RSPO3: variants seen among roughly 807,000 people sequenced by gnomAD.
The protein encoded by RSPO3 is R-spondin 3.
In RSPO3, 17 loss-of-function variants were observed where a neutral mutation model predicts 36.5. The ratio of observed to expected loss-of-function variants is 0.47; its 90% CI spans 0.32 to 0.70. RSPO3 has a LOEUF of 0.70. Ranked by LOEUF, RSPO3 falls within the 30% of genes least tolerant of loss-of-function variation. RSPO3 has a pLI of 0.04. For synonymous variants in RSPO3, 108 were observed against 107.0 expected (o/e 1.01, Z -0.06); for missense variants, 294 against 322.5 (o/e 0.91, Z 0.68).
intron 4 of RSPO3, among the ~76,000 whole-genome samples, chr6:127,172,088 G>T (rs1774948162): frequency 6.7e-6 from 1 of 150,022 alleles, no homozygotes; most frequent in Non-Finnish European, 1.5e-5. Context: ...GGAAACAGAA[G>T]TACTTTTAAT....
chr6:127,198,533 T>C lies in RSPO3; in HGVS notation c.*2526T>C, dbSNP rs1028713454. Among the ~76,000 whole-genome samples the C allele has an allele frequency of 1.3e-5, 2 of 152,164 alleles. No homozygotes were observed. The highest frequency in any genetic ancestry group is 4.8e-5 in the African/African-American group (2 of 41,428). On this transcript the variant is annotated 3_prime_UTR_variant, in exon 5 of 5. Coordinates refer to ENST00000356698, the MANE Select transcript of RSPO3 (RefSeq NM_032784.5). The stretch of plus-strand genomic sequence containing the variant: ...CATAATGGGGTAAACTGTTGATAGT[T>C]TACCCCATCAACAGATGGTCGGTAA...
intron 1 of RSPO3, among the ~76,000 whole-genome samples, chr6:127,132,309 T>C (rs976144042): frequency 3.9e-5 from 6 of 152,150 alleles, no homozygotes; most frequent in African/African-American, 1.4e-4. Context: ...TCTGATACTG[T>C]ATACTAGAGA....
chr6:127,159,605 G>A (rs1184407234), intron 4 of RSPO3, among the ~76,000 whole-genome samples: 1 of 148,094 alleles, frequency 6.8e-6, no homozygotes. Flanking sequence ...TATAGTAAAA[G>A]TCTACCAGGC....
At chr6:127,123,116 T>C (rs1773876947) in intron 1 of RSPO3, among the ~76,000 whole-genome samples, 1 of 152,122 alleles carries the variant, frequency 6.6e-6, no homozygotes, top group Non-Finnish European at 1.5e-5. Context: ...AAACAGACTA[T>C]TGGAATGTAC....
At chr6:127,195,577 A>G (rs1048741149) in intron 4 of RSPO3, among the ~76,000 whole-genome samples, 4 of 152,256 alleles carry the variant, frequency 2.6e-5, no homozygotes, top group African/African-American at 7.2e-5. Flanking sequence ...ACTTAGAAGA[A>G]CAGAACTATT....
chr6:127,139,246 C>T lies in RSPO3; in HGVS notation c.98-9402C>T, dbSNP rs186861610. Among the ~76,000 whole-genome samples the T allele has an allele frequency of 6.5e-3, 996 of 152,272 alleles. 4 individuals are homozygous for T. The highest frequency in any genetic ancestry group is 0.011 in the Non-Finnish European group (726 of 68,032). On this transcript the variant is annotated intron_variant, in intron 1 of 4. Coordinates refer to ENST00000356698, the MANE Select transcript of RSPO3 (RefSeq NM_032784.5). Reference sequence around the variant, plus strand: ...CTGGAGTTTTTAAAAATGGTATACTCACTATTGGTACATCTTCTAGTGCTT... The same window carrying T: ...CTGGAGTTTTTAAAAATGGTATACTTACTATTGGTACATCTTCTAGTGCTT...
intron 1 of RSPO3, among the ~76,000 whole-genome samples, chr6:127,147,659 T>C (rs1255775885): frequency 6.6e-6 from 1 of 152,184 alleles, no homozygotes; most frequent in African/African-American, 2.4e-5. Context: ...TGTGATGATC[T>C]TAAGCAAACA....
chr6:127,122,272 T>C (rs1426691111), intron 1 of RSPO3, among the ~76,000 whole-genome samples: 3 of 152,246 alleles, frequency 2.0e-5, no homozygotes, highest in Non-Finnish European at 4.4e-5. Flanking sequence ...CTTTAAAATG[T>C]CTATTTAGTT....
At chr6:127,160,128 T>C (rs1234329746) in intron 4 of RSPO3, among the ~76,000 whole-genome samples, 1 of 152,150 alleles carries the variant, frequency 6.6e-6, no homozygotes, top group African/African-American at 2.4e-5. Flanking sequence ...GCAACCGCCT[T>C]TTTTGTAGGT....
chr6:127,119,342 G>T, intron 1 of RSPO3, 53 bp downstream of exon 1: 1 of 1,359,546 alleles, frequency 7.4e-7, no homozygotes. Context: ...TTCACCTGTC[G>T]GGTCGCTTTG....
At chr6:127,139,180 CTTA>C (rs956752956) in intron 1 of RSPO3, among the ~76,000 whole-genome samples, 7 of 152,184 alleles carry the variant, frequency 4.6e-5, no homozygotes, top group African/African-American at 1.4e-4. Context: ...AAAAAAATCA[CTTA>C]TTTTCCTTGC....
At chr6:127,150,685 A>AG in intron 3 of RSPO3, 113 bp downstream of exon 3, 3 of 943,734 alleles carry the variant, frequency 3.2e-6, no homozygotes, top group Non-Finnish European at 4.7e-6. Flanking sequence ...GATCTCTTAA[A>AG]GGCTGTCTCC....
At chr6:127,153,155 G>A (rs79151326) in intron 3 of RSPO3, among the ~76,000 whole-genome samples, 7,877 of 152,188 alleles carry the variant, frequency 0.052, 319 homozygotes, top group Non-Finnish European at 0.083. Context: ...TGCTTCATTA[G>A]TGAATAGCTA....
At chr6:127,184,178 T>C (rs922241807) in intron 4 of RSPO3, among the ~76,000 whole-genome samples, 1 of 151,962 alleles carries the variant, frequency 6.6e-6, no homozygotes, top group African/African-American at 2.4e-5. Context: ...AGGCAAACCA[T>C]ATAACCACCC....
At chr6:127,153,837 C>A (rs557528262) in intron 3 of RSPO3, among the ~76,000 whole-genome samples, 5 of 152,060 alleles carry the variant, frequency 3.3e-5, no homozygotes, top group Admixed American at 2.0e-4. Flanking sequence ...GGATACACTA[C>A]TTTTTAATGA....
chr6:127,187,993 T>A (rs1775330317), intron 4 of RSPO3, among the ~76,000 whole-genome samples: 1 of 152,142 alleles, frequency 6.6e-6, no homozygotes. Context: ...CAGGAAGGCA[T>A]CCTAGTATGC....
rs34168265 is a variant in RSPO3, at chr6:127,188,589, CAT to C, written c.635-7217_635-7216del. 8.4e-3 allele frequency among the ~76,000 whole-genome samples: 1,232 copies of C among 147,118 alleles called. 16 individuals are homozygous for C. The highest frequency in any genetic ancestry group is 0.025 in the African/African-American group (1,025 of 40,452). ...TAAATGATGTATAATTTTCAAGTTA[CAT>C]ATATATATATATATATCATACCTCT... is the stretch of plus-strand genomic sequence containing the variant. On this transcript the variant is annotated intron_variant, in intron 4 of 4. Coordinates refer to ENST00000356698, the MANE Select transcript of RSPO3 (RefSeq NM_032784.5).
rs1302225730 is a variant in RSPO3 at position 127,195,961 on chromosome 6, A to G, written c.773A>G (p.Lys258Arg). The G allele has an allele frequency of 6.2e-7, 1 of 1,613,044 alleles. No individual in the cohort carries two copies. Among genetic ancestry groups the G allele is most frequent in the South Asian group, 1.1e-5 (1 of 90,972 alleles). Residue 258 changes from lysine (K) to arginine (R), a missense_variant, in exon 5 of 5, where the codon AAA becomes AGA. Coordinates refer to ENST00000356698, the MANE Select transcript of RSPO3 (RefSeq NM_032784.5). Reference protein sequence around the residue: ...RENKQQQKKRKVQDKQKSVSV... With the variant: ...RENKQQQKKRRVQDKQKSVSV... ...AACAAACAGCAGCAGAAGAAGCGAAAAGTCCAAGATAAACAGAAATCGGTA... is the reference window on the plus strand; with the variant it reads ...AACAAACAGCAGCAGAAGAAGCGAAGAGTCCAAGATAAACAGAAATCGGTA...
intron 1 of RSPO3, among the ~76,000 whole-genome samples, chr6:127,140,167 G>A (rs954237880): frequency 2.0e-5 from 3 of 152,144 alleles, no homozygotes; most frequent in South Asian, 2.1e-4. Flanking sequence ...AAAAAGCACA[G>A]TGTTGTTACT....
Sources: gnomAD v4.1 joint callset for allele counts (sites outside exome capture counted in the v4.1 genomes callset) on GRCh38, gnomAD v4.1.1 for gene constraint, MANE v1.5 for transcripts, NCBI Gene and HGNC (gene_info 2026-07-23, HGNC 2026-07-21) for gene names.